Variants in ANKS1B observed in about 807,000 individuals in gnomAD.
ANKS1B encodes the protein ankyrin repeat and sterile alpha motif domain containing 1B.
Under a neutral mutation model 148.3 loss-of-function variants are expected in ANKS1B, and 36 were observed. That is an observed-to-expected ratio of 0.24 (90% confidence interval 0.19 to 0.32). The LOEUF is 0.32. ANKS1B is among the 10% of genes least tolerant of loss of function. The pLI, the probability that ANKS1B is intolerant of heterozygous loss-of-function variation, is 1.00. For synonymous variants in ANKS1B, 542 were observed against 560.8 expected (o/e 0.97, Z 0.47); for missense variants, 1,157 against 1,542.6 (o/e 0.75, Z 4.19).
At chr12:99,654,734 G>A (rs1191053611) in intron 9 of ANKS1B, among the ~76,000 whole-genome samples, 1 of 151,972 alleles carries the variant, frequency 6.6e-6, no homozygotes, top group Non-Finnish European at 1.5e-5. Flanking sequence ...CCTTATATCT[G>A]TAGACAACTT....
chr12:98,789,226 C>T (rs1368822585), intron 22 of ANKS1B, among the ~76,000 whole-genome samples: 1 of 151,994 alleles, frequency 6.6e-6, no homozygotes, highest in Non-Finnish European at 1.5e-5. Flanking sequence ...GCCTGTAATC[C>T]CAGCTACTCG....
At chr12:99,184,826 G>A (rs1319494927) in intron 14 of ANKS1B, among the ~76,000 whole-genome samples, 1 of 152,136 alleles carries the variant, frequency 6.6e-6, no homozygotes, top group Non-Finnish European at 1.5e-5. Flanking sequence ...TAGTCACCCT[G>A]AGCCTCAGGT....
chr12:98,738,165 A>G (rs955776907), intron 9 of ANKS1B, among the ~76,000 whole-genome samples: 4 of 152,230 alleles, frequency 2.6e-5, no homozygotes, highest in African/African-American at 9.6e-5. Context: ...GGCATCAACA[A>G]TGACTTGCTC....
chr12:98,987,510 A>G (rs1038571563), intron 17 of ANKS1B, among the ~76,000 whole-genome samples: 1 of 152,182 alleles, frequency 6.6e-6, no homozygotes, highest in Non-Finnish European at 1.5e-5. Context: ...TTATTTACAA[A>G]GTGACCAGGA....
At position 98,745,475 on chromosome 12, in the gene ANKS1B, T is replaced by G. The variant is rs1490266723; in HGVS notation, c.*264A>C. The G allele has an allele frequency of 1.9e-6, 2 of 1,066,110 alleles. No homozygotes were observed. The highest frequency in any genetic ancestry group is 1.9e-5 in the African/African-American group (1 of 52,690). The allele number at this position is 1,066,110 out of a possible 1,614,324, so 66.0% of individuals were successfully genotyped here. Reference sequence around the variant, plus strand: ...GAGTCATCAGAAATACCTTGGGAGGTGGTGGGGAGGGGAGTCGGGAGCATC... The same window carrying G: ...GAGTCATCAGAAATACCTTGGGAGGGGGTGGGGAGGGGAGTCGGGAGCATC... On this transcript the variant is annotated 3_prime_UTR_variant, in exon 27 of 27. Coordinates refer to ENST00000683438, the MANE Select transcript of ANKS1B (RefSeq NM_001352186.2).
intron 21 of ANKS1B, 66 bp from the exon 22 acceptor site, chr12:98,799,071 CAA>C: frequency 8.4e-7 from 1 of 1,194,152 alleles, no homozygotes; most frequent in Non-Finnish European, 1.1e-6. Context: ...GTTTTAAAAA[CAA>C]ATTGTGGAAG....
intron 14 of ANKS1B, among the ~76,000 whole-genome samples, chr12:99,212,175 T>C (rs1396375521): frequency 1.3e-5 from 2 of 152,214 alleles, no homozygotes; most frequent in African/African-American, 2.4e-5. Flanking sequence ...TCAGATGGTA[T>C]CACTCCTTTG....
chr12:98,799,143 A>T (rs1241331283), intron 21 of ANKS1B, 138 bp from the exon 22 acceptor site: 1 of 500,982 alleles, frequency 2.0e-6, no homozygotes, highest in East Asian at 3.2e-5. Flanking sequence ...ACTGACAGTA[A>T]CTAATCCTAA....
chr12:99,033,379 T>A (rs2099953508), intron 17 of ANKS1B, among the ~76,000 whole-genome samples: 1 of 152,232 alleles, frequency 6.6e-6, no homozygotes, highest in Admixed American at 6.5e-5. Flanking sequence ...AATTTAGTAG[T>A]CATGGTGTAT....
chr12:99,946,109 G>A (rs1010733916), intron 1 of ANKS1B, among the ~76,000 whole-genome samples: 2 of 152,128 alleles, frequency 1.3e-5, no homozygotes, highest in Non-Finnish European at 2.9e-5. Context: ...AACCTAACCT[G>A]TAATGATTAA....
At chr12:98,908,442 T>C (rs966290781) in intron 17 of ANKS1B, among the ~76,000 whole-genome samples, 1 of 152,190 alleles carries the variant, frequency 6.6e-6, no homozygotes, top group African/African-American at 2.4e-5. Flanking sequence ...ACAACCAATA[T>C]ACAAGGTAGG....
chr12:99,798,434 A>AC (rs141076175), intron 4 of ANKS1B, among the ~76,000 whole-genome samples: 2 of 40,630 alleles, frequency 4.9e-5, no homozygotes, highest in African/African-American at 1.5e-4. Flanking sequence ...AAAAAAAAAA[A>AC]AAAAAAAAAC....
chr12:99,618,632 G>A (rs1156346123), intron 9 of ANKS1B, among the ~76,000 whole-genome samples: 1 of 152,002 alleles, frequency 6.6e-6, no homozygotes, highest in Non-Finnish European at 1.5e-5. Flanking sequence ...TCTTTCCACT[G>A]AGGATTGGAG....
At chr12:99,160,365 G>A (rs1481979359) in intron 14 of ANKS1B, among the ~76,000 whole-genome samples, 4 of 151,032 alleles carry the variant, frequency 2.6e-5, no homozygotes, top group African/African-American at 4.9e-5. Context: ...TTGAGATGGA[G>A]TCTTGCTCTG....
intron 12 of ANKS1B, among the ~76,000 whole-genome samples, chr12:99,363,181 C>G (rs2092584693): frequency 6.6e-6 from 1 of 151,850 alleles, no homozygotes; most frequent in Admixed American, 6.6e-5. Context: ...TAGAAGACTT[C>G]ACAAATTCCA....
intron 12 of ANKS1B, among the ~76,000 whole-genome samples, chr12:99,325,997 G>A (rs2086233330): frequency 6.6e-6 from 1 of 151,992 alleles, no homozygotes; most frequent in Non-Finnish European, 1.5e-5. Flanking sequence ...TTCTTCACAA[G>A]GCAGCATGAA....
chr12:99,491,050 G>A (rs2096550170), intron 10 of ANKS1B, among the ~76,000 whole-genome samples: 2 of 152,346 alleles, frequency 1.3e-5, no homozygotes, highest in South Asian at 4.1e-4. Context: ...GGGCGTAGTG[G>A]CTCACGCCTG....
At chr12:99,965,752 C>G (rs1044308171) in intron 1 of ANKS1B, among the ~76,000 whole-genome samples, 1 of 152,060 alleles carries the variant, frequency 6.6e-6, no homozygotes, top group African/African-American at 2.4e-5. Context: ...GGTGAAACCC[C>G]GTCTCTACTA....
intron 22 of ANKS1B, among the ~76,000 whole-genome samples, chr12:98,789,380 TAA>T (rs1320553319): frequency 1.3e-5 from 2 of 150,600 alleles, no homozygotes; most frequent in African/African-American, 4.9e-5. Context: ...ACGATAGAGT[TAA>T]TAAGATCAGG....
Sources: allele counts gnomAD v4.1 joint callset (sites outside exome capture counted in the v4.1 genomes callset), GRCh38; gene constraint gnomAD v4.1.1; transcripts MANE v1.5; gene names NCBI Gene and HGNC (gene_info 2026-07-23, HGNC 2026-07-21).